The following DTNA variants were observed in gnomAD, a reference collection of about 807,000 sequenced individuals.
The protein encoded by DTNA is dystrophin-related protein 3.
DTNA carries 43 observed loss-of-function variants against 100.7 expected under a neutral mutation model. The ratio of observed to expected loss-of-function variants is 0.43; its 90% CI spans 0.33 to 0.55. The LOEUF (loss-of-function observed/expected upper bound fraction) is 0.55, where lower values mean the gene tolerates loss of function less well. Ranked by LOEUF, DTNA falls within the 20% of genes least tolerant of loss-of-function variation. DTNA has a pLI of 0.04. For synonymous variants in DTNA, 349 were observed against 347.9 expected, an observed-to-expected ratio of 1.00 and a Z score of -0.04; for missense variants, 798 against 953.9, an observed-to-expected ratio of 0.84 and a Z score of 2.15.
chr18:34,669,886 A>G (rs552039368), intron 1 of DTNA, among the ~76,000 whole-genome samples: 198 of 152,244 alleles, frequency 1.3e-3, no homozygotes, highest in African/African-American at 4.5e-3. Context: ...AACTTTGGTG[A>G]ATCTGACAAT....
chr18:34,679,167 G>A (rs906745551), intron 1 of DTNA, among the ~76,000 whole-genome samples: 1 of 152,122 alleles, frequency 6.6e-6, no homozygotes, highest in Non-Finnish European at 1.5e-5. Context: ...GCTATATCAG[G>A]AACCCAATGT....
chr18:34,552,037 C>A (rs1312500502), intron 1 of DTNA, among the ~76,000 whole-genome samples: 2 of 152,066 alleles, frequency 1.3e-5, no homozygotes, highest in Non-Finnish European at 2.9e-5. Flanking sequence ...CACTGCTTGG[C>A]TCCATTTCAG....
intron 1 of DTNA, among the ~76,000 whole-genome samples, chr18:34,643,022 G>C (rs2059466793): frequency 6.6e-6 from 1 of 152,168 alleles, no homozygotes; most frequent in African/African-American, 2.4e-5. Flanking sequence ...CTTAGCAGCA[G>C]GCTACTGCAA....
intron 1 of DTNA, among the ~76,000 whole-genome samples, chr18:34,724,115 A>C (rs928120466): frequency 9.2e-5 from 14 of 152,216 alleles, no homozygotes; most frequent in Non-Finnish European, 1.9e-4. Flanking sequence ...ATTGGTGGTG[A>C]AATATAAATT....
chr18:34,501,761 C>T (rs988279076), intron 1 of DTNA, among the ~76,000 whole-genome samples: 1 of 152,062 alleles, frequency 6.6e-6, no homozygotes, highest in African/African-American at 2.4e-5. Context: ...ATGGAGTTGG[C>T]ATATTTGGTT....
chr18:34,791,594 A>C (rs772620000), intron 3 of DTNA, among the ~76,000 whole-genome samples: 17 of 152,250 alleles, frequency 1.1e-4, no homozygotes, highest in Non-Finnish European at 2.4e-4. Context: ...AATAACACCA[A>C]GAAATACAAA....
chr18:34,766,322 G>A (rs2093465215), intron 3 of DTNA, among the ~76,000 whole-genome samples: 2 of 152,120 alleles, frequency 1.3e-5, no homozygotes, highest in South Asian at 4.1e-4. Flanking sequence ...ACCTTGGAAT[G>A]GTTTAAATCT....
intron 1 of DTNA, among the ~76,000 whole-genome samples, chr18:34,700,005 T>C (rs1200824180): frequency 6.6e-6 from 1 of 152,204 alleles, no homozygotes; most frequent in Admixed American, 6.5e-5. Context: ...GTTCAATTAA[T>C]AGTTAAGGAG....
chr18:34,526,970 A>G (rs555877943), intron 1 of DTNA, among the ~76,000 whole-genome samples: 1 of 152,260 alleles, frequency 6.6e-6, no homozygotes, highest in African/African-American at 2.4e-5. Context: ...TAAGGAACAG[A>G]CACTGAAATC....
intron 1 of DTNA, among the ~76,000 whole-genome samples, chr18:34,609,992 C>G (rs1434708619): frequency 6.6e-6 from 1 of 151,518 alleles, no homozygotes; most frequent in Non-Finnish European, 1.5e-5. Context: ...GCGATATCCT[C>G]TTATCCTCCC....
chr18:34,741,248 C>T (rs2090597534), intron 1 of DTNA, among the ~76,000 whole-genome samples: 1 of 152,072 alleles, frequency 6.6e-6, no homozygotes, highest in African/African-American at 2.4e-5. Flanking sequence ...TACCCTTTGG[C>T]TAGCTAGCTA....
intron 1 of DTNA, among the ~76,000 whole-genome samples, chr18:34,721,653 A>C (rs1417544028): frequency 6.6e-6 from 1 of 152,220 alleles, no homozygotes; most frequent in Non-Finnish European, 1.5e-5. Flanking sequence ...GGCAAAACTA[A>C]TCAAAGGAAA....
At chr18:34,740,338 A>T (rs1041857415) in intron 1 of DTNA, among the ~76,000 whole-genome samples, 121 of 152,232 alleles carry the variant, frequency 7.9e-4, no homozygotes, top group African/African-American at 2.6e-3. Context: ...ACCCCCTGGG[A>T]AAAAGGCTTT....
At chr18:34,499,790 C>T (rs2039690102) in intron 1 of DTNA, among the ~76,000 whole-genome samples, 1 of 151,958 alleles carries the variant, frequency 6.6e-6, no homozygotes, top group Non-Finnish European at 1.5e-5. Context: ...TGAAATGTCT[C>T]TTCATTTTCT....
intron 1 of DTNA, among the ~76,000 whole-genome samples, chr18:34,545,851 G>C (rs568718659): frequency 1.3e-5 from 2 of 151,320 alleles, no homozygotes; most frequent in East Asian, 3.9e-4. Flanking sequence ...TTGTTTCTCC[G>C]CAGGCTGTAG....
chr18:34,804,525 C>T (rs1007848259), intron 4 of DTNA, among the ~76,000 whole-genome samples: 1 of 152,136 alleles, frequency 6.6e-6, no homozygotes, highest in Non-Finnish European at 1.5e-5. Flanking sequence ...GTCCTTCAAA[C>T]ATTTGTTCGG....
intron 3 of DTNA, among the ~76,000 whole-genome samples, chr18:34,767,890 C>G (rs2093571905): frequency 6.6e-6 from 1 of 152,172 alleles, no homozygotes; most frequent in African/African-American, 2.4e-5. Flanking sequence ...TGACTCCTCA[C>G]AGGAAGCTAA....
chr18:34,663,039 CTGG>C (rs2075407182), intron 1 of DTNA: 1 of 152,176 alleles, frequency 6.6e-6, no homozygotes, highest in Admixed American at 6.5e-5. Flanking sequence ...CCAAGCTCTA[CTGG>C]TAGTAATATT....
chr18:34,838,070 TG>T lies in DTNA; in HGVS notation c.1176-22del, dbSNP rs2096190314. 3.7e-6 allele frequency: 6 copies of T among 1,612,496 alleles called. No individual in the cohort carries two copies. The East Asian group carries it at 1.3e-4, about 36-fold the overall frequency. On this transcript the variant is annotated intron_variant, in intron 11 of 22. Coordinates refer to ENST00000444659, the MANE Select transcript of DTNA (RefSeq NM_001386795.1). Reference sequence around the variant, plus strand: ...TGCATTGCCGTGTTTACGCTCTTCTTGGCTTTCCCATCTTATTAACTAGCTC... The same window carrying T: ...TGCATTGCCGTGTTTACGCTCTTCTTGCTTTCCCATCTTATTAACTAGCTC...
Sources: gnomAD v4.1 joint callset for allele counts (sites outside exome capture counted in the v4.1 genomes callset) on GRCh38, gnomAD v4.1.1 for gene constraint, MANE v1.5 for transcripts, NCBI Gene and HGNC (gene_info 2026-07-23, HGNC 2026-07-21) for gene names.